Variants in CCDC170 observed in about 807,000 individuals in gnomAD.
CCDC170 encodes the protein coiled-coil domain containing 170.
In CCDC170, 69 loss-of-function variants were observed where a neutral mutation model predicts 72.6. The observed-to-expected ratio is 0.95, with a 90% CI of 0.78 to 1.16. The LOEUF (loss-of-function observed/expected upper bound fraction) is 1.16, where lower values mean the gene tolerates loss of function less well. CCDC170 is among the 50% of genes most tolerant of loss of function. CCDC170 has a pLI of 0.00. For missense variants in CCDC170, 852 were observed against 832.5 expected, an observed-to-expected ratio of 1.02 and a Z score of -0.29; for synonymous variants, 300 against 303.9, an observed-to-expected ratio of 0.99 and a Z score of 0.13.
chr6:151,571,322 T>TC, intron 5 of CCDC170, among the ~76,000 whole-genome samples: 1 of 5,024 alleles, frequency 2.0e-4, no homozygotes, highest in South Asian at 5.7e-3. Flanking sequence ...TTTTTAATAA[T>TC]TTTTTTTTTT....
intron 3 of CCDC170, among the ~76,000 whole-genome samples, chr6:151,542,082 G>T (rs1440294528): frequency 1.3e-5 from 2 of 151,706 alleles, no homozygotes; most frequent in African/African-American, 4.8e-5. Flanking sequence ...GTTTTGCCAT[G>T]TTGGCCAGAC....
chr6:151,538,035 T>C lies in CCDC170; in HGVS notation c.187-10T>C. 1 of 1,580,284 alleles carries C rather than the reference T, an allele frequency of 6.3e-7. No homozygotes were observed. The highest frequency in any genetic ancestry group is 8.5e-7 in the Non-Finnish European group (1 of 1,170,012). ...GGTTTTTTTTTTTTTTAACTTCTTT[T>C]CCATGTTAGCTTCAAGACCTCCGAT... On this transcript the variant is annotated splice_polypyrimidine_tract_variant and intron_variant, in intron 2 of 10. Transcript: ENST00000239374.
intron 5 of CCDC170, among the ~76,000 whole-genome samples, chr6:151,564,550 T>C (rs1011892938): frequency 3.9e-5 from 6 of 152,120 alleles, no homozygotes; most frequent in African/African-American, 9.7e-5. Flanking sequence ...ATAGTAGCAG[T>C]TGTGGGACAA....
intron 6 of CCDC170, among the ~76,000 whole-genome samples, chr6:151,582,192 G>A (rs1474176128): frequency 1.3e-5 from 2 of 152,216 alleles, no homozygotes; most frequent in African/African-American, 2.4e-5. Flanking sequence ...ATAGAAGGCT[G>A]ATTTGCCTAC....
intron 9 of CCDC170, among the ~76,000 whole-genome samples, chr6:151,604,298 G>A (rs1199575622): frequency 2.0e-5 from 3 of 152,000 alleles, no homozygotes; most frequent in Admixed American, 6.6e-5. Context: ...ACTCAGCTCC[G>A]ATGATGTAGA....
chr6:151,598,549 G>A (rs1247129067), intron 9 of CCDC170, among the ~76,000 whole-genome samples: 1 of 152,108 alleles, frequency 6.6e-6, no homozygotes, highest in Non-Finnish European at 1.5e-5. Flanking sequence ...CAATGATGTG[G>A]CCTTGACTCT....
chr6:151,538,368 A>G, intron 3 of CCDC170, 67 bp downstream of exon 3: 2 of 1,450,946 alleles, frequency 1.4e-6, no homozygotes, highest in East Asian at 2.3e-5. Flanking sequence ...ATAGCAAGAT[A>G]TGTCTTTGAA....
At chr6:151,548,552 A>G (rs1782817333) in intron 5 of CCDC170, 63 bp downstream of exon 5, 2 of 1,404,052 alleles carry the variant, frequency 1.4e-6, no homozygotes, top group Admixed American at 2.4e-5. Context: ...AATGGAAGAG[A>G]TGGATGTCAG....
At chr6:151,572,965 T>G (rs548106838) in intron 5 of CCDC170, among the ~76,000 whole-genome samples, 1 of 152,076 alleles carries the variant, frequency 6.6e-6, no homozygotes, top group South Asian at 2.1e-4. Flanking sequence ...TTTTCTGTTT[T>G]TAAGACACCT....
At chr6:151,572,653 T>TCTTTTTTTTG in intron 5 of CCDC170, among the ~76,000 whole-genome samples, 1 of 100,510 alleles carries the variant, frequency 9.9e-6, no homozygotes, top group South Asian at 3.3e-4. Context: ...CTCTGTGTTT[T>TCTTTTTTTTG]TTTTTTTTTT....
chr6:151,524,014 G>T (rs1173829415), intron 1 of CCDC170, among the ~76,000 whole-genome samples: 2 of 152,200 alleles, frequency 1.3e-5, no homozygotes, highest in African/African-American at 2.4e-5. Flanking sequence ...CCAGAAGAGG[G>T]TTGCTGGTTT....
intron 1 of CCDC170, among the ~76,000 whole-genome samples, chr6:151,518,043 A>G (rs1399099819): frequency 1.3e-5 from 2 of 152,100 alleles, no homozygotes; most frequent in Non-Finnish European, 2.9e-5. Flanking sequence ...ATTATACGAA[A>G]CACTAGCAAG....
chr6:151,503,020 T>C (rs533577667), intron 1 of CCDC170, among the ~76,000 whole-genome samples: 5 of 151,700 alleles, frequency 3.3e-5, no homozygotes, highest in African/African-American at 1.2e-4. Context: ...ATACAAAAAA[T>C]CAAAAAATTA....
chr6:151,512,375 G>T (rs1782162913), intron 1 of CCDC170, among the ~76,000 whole-genome samples: 1 of 151,912 alleles, frequency 6.6e-6, no homozygotes, highest in African/African-American at 2.4e-5. Context: ...GGCCAGCCTG[G>T]TCTCGAACTC....
chr6:151,572,611 T>C (rs867740383), intron 5 of CCDC170, among the ~76,000 whole-genome samples: 2 of 151,236 alleles, frequency 1.3e-5, no homozygotes, highest in African/African-American at 4.9e-5. Flanking sequence ...TCCTTCTTTT[T>C]TCTAACCCAG....
At chr6:151,601,573 A>G (rs994763216) in intron 9 of CCDC170, among the ~76,000 whole-genome samples, 3 of 152,050 alleles carry the variant, frequency 2.0e-5, no homozygotes, top group Non-Finnish European at 4.4e-5. Context: ...ATATATGTAG[A>G]TATAAATATC....
chr6:151,506,990 A>G (rs532650711), intron 1 of CCDC170, among the ~76,000 whole-genome samples: 1 of 152,338 alleles, frequency 6.6e-6, no homozygotes, highest in East Asian at 1.9e-4. Context: ...CCAGTTCCTT[A>G]AAATGAATCT....
intron 5 of CCDC170, 38 bp downstream of exon 5, chr6:151,548,527 T>A: frequency 6.9e-7 from 1 of 1,442,032 alleles, no homozygotes; most frequent in Non-Finnish European, 9.2e-7. Flanking sequence ...TCTGGGACCA[T>A]GTTGAAGAAG....
At chr6:151,559,343 G>A (rs1562282255) in intron 5 of CCDC170, among the ~76,000 whole-genome samples, 1 of 152,090 alleles carries the variant, frequency 6.6e-6, no homozygotes, top group Non-Finnish European at 1.5e-5. Context: ...CCATGAGCAT[G>A]AGATGTCTTT....
Sources: allele counts gnomAD v4.1 joint callset (sites outside exome capture counted in the v4.1 genomes callset), GRCh38; gene constraint gnomAD v4.1.1; transcripts MANE v1.5; gene names NCBI Gene and HGNC (gene_info 2026-07-23, HGNC 2026-07-21).